MTF1: variants seen among roughly 807,000 people sequenced by gnomAD.
MTF1 encodes the protein MRE-binding transcription factor.
MTF1 carries 22 observed loss-of-function variants against 70.4 expected under a neutral mutation model. The ratio of observed to expected loss-of-function variants is 0.31; its 90% CI spans 0.22 to 0.45. The LOEUF is 0.45. MTF1 is among the 20% of genes least tolerant of loss of function. The probability of loss-of-function intolerance (pLI) is 1.00; values close to 1 mark genes in which losing one functional copy is unlikely to be tolerated. For synonymous variants in MTF1, 333 were observed against 352.8 expected, an observed-to-expected ratio of 0.94 and a Z score of 0.63; for missense variants, 649 against 922.0, an observed-to-expected ratio of 0.70 and a Z score of 3.83.
rs1450658334 is a variant in MTF1, at chr1:37,857,466, C to T, written c.193G>A (p.Gly65Arg). The T allele has an allele frequency of 3.7e-6, 6 of 1,614,010 alleles. No homozygotes were observed. Among genetic ancestry groups the T allele is most frequent in the East Asian group, 2.2e-5 (1 of 44,896 alleles). The change falls in exon 2 of 11, where the codon GGA becomes AGA. Residue 65 changes from glycine to arginine, a missense_variant. By Grantham distance (125) the Gly-to-Arg change is moderately radical. Coordinates refer to ENST00000373036, the MANE Select transcript of MTF1 (RefSeq NM_005955.3). ...AAAGGCAAGTGTTCTCCGCACTGTC[C>T]GTCGTCATCTTCATCCTCCAAAGTG... ...PGTLEDEDDD[G>R]QCGEHLPFLV... is the part of the protein sequence containing the mutation.
chr1:37,817,465 A>G lies in MTF1; in HGVS notation c.1785T>C (p.Val595=). ...CTGCAGTGGTAAAAAACACCTTCTC[A>G]ACTTTAGATGCTTGCTGCTGAAAAA... ...NQEQIQQASK[V]EKVFFTTAVP... The change falls in exon 10 of 11, where the codon GTT becomes GTC. Residue 595 remains valine (V), a synonymous_variant. Transcript: ENST00000373036. The G allele has an allele frequency of 6.2e-7, 1 of 1,611,980 alleles. No individual in the cohort carries two copies. Among genetic ancestry groups the G allele is most frequent in the Non-Finnish European group, 8.5e-7 (1 of 1,178,040 alleles).
In MTF1 at chr1:37,813,542, A is replaced by G. The variant is rs1466036576; in HGVS notation, c.*1594T>C. ...GAGTGACCAATGCAGATCCCTTTAC[A>G]TTAGGGAATGAAAATGCAAGGCAAA... is the stretch of plus-strand genomic sequence containing the variant. On this transcript the variant is annotated 3_prime_UTR_variant, in exon 11 of 11. Transcript: ENST00000373036. 7 of 152,230 alleles carry G rather than the reference A, an allele frequency of 4.6e-5. No individual in the cohort carries two copies. The highest frequency in any genetic ancestry group is 1.7e-4 in the African/African-American group (7 of 41,452). 9.4% of individuals were successfully genotyped at this position (152,230 alleles called of 1,614,324 possible).
In MTF1 at chr1:37,815,434, G is replaced by A; in HGVS notation, c.1964C>T (p.Ser655Phe). The A allele has an allele frequency of 6.2e-7, 1 of 1,612,406 alleles. No individual in the cohort carries two copies. The highest frequency in any genetic ancestry group is 8.5e-7 in the Non-Finnish European group (1 of 1,179,004). The change falls in exon 11 of 11, where the codon TCC (serine) becomes TTC (phenylalanine). Residue 655 changes from serine to phenylalanine, a missense_variant. Physicochemically the swap from Ser to Phe is radical, Grantham distance 155. This residue lies in a region of MTF1 where 138 missense variants were observed against 134.4 expected (regional missense o/e 1.03). Transcript: ENST00000373036. This position sits in a 1 kb window ranked among gnomAD's most constrained non-coding sequence, Gnocchi z 4.5. ...RASSRRKGCSSPPPPEPSPQA... is the reference protein window; with the variant it reads ...RASSRRKGCSFPPPPEPSPQA... ...GGGGCTCGGCTCTGGAGGGGGTGGG[G>A]AGGAGCAGCCCTTTCTCCTGCTGGA... is the stretch of plus-strand genomic sequence containing the variant.
intron 4 of MTF1, among the ~76,000 whole-genome samples, chr1:37,837,477 C>T (rs1641187344): frequency 6.6e-6 from 1 of 152,092 alleles, no homozygotes; most frequent in Non-Finnish European, 1.5e-5. Flanking sequence ...TATCCCCTGC[C>T]AAAATTCAAA....
intron 3 of MTF1, among the ~76,000 whole-genome samples, chr1:37,839,240 C>T (rs3790626): frequency 0.59 from 90,144 of 151,926 alleles, 28,602 homozygotes; most frequent in Non-Finnish European, 0.71. Flanking sequence ...GAGAATAGCA[C>T]AGTGGTATGA....
chr1:37,849,858 T>C (rs903711513), intron 2 of MTF1, among the ~76,000 whole-genome samples: 2 of 151,970 alleles, frequency 1.3e-5, no homozygotes, highest in African/African-American at 2.4e-5. Flanking sequence ...TGGGCAAACA[T>C]AGCAAGACCC....
intron 9 of MTF1, among the ~76,000 whole-genome samples, chr1:37,818,992 CA>C (rs1460189205): frequency 3.5e-4 from 45 of 127,768 alleles, no homozygotes; most frequent in South Asian, 2.4e-3. Context: ...GACTCCGTGT[CA>C]AAACAAAAAA....
At position 37,857,420 on chromosome 1, in the gene MTF1, C is replaced by A. The variant is rs772564268; in HGVS notation, c.239G>T (p.Gly80Val). ...HLPFLVGGEEGFHLIDHEAMS... is the reference protein window; with the variant it reads ...HLPFLVGGEEVFHLIDHEAMS... The stretch of plus-strand genomic sequence containing the variant: ...TGCTTCATGATCTATCAGGTGAAAG[C>A]CCTCTTCACCCCCTACTAGAAAAGG... The change falls in exon 2 of 11, where the codon GGC becomes GTC. Residue 80 changes from glycine (G) to valine (V), a missense_variant. Physicochemically the swap from Gly to Val is moderately radical, Grantham distance 109 (BLOSUM62 -3). This residue lies in a region of MTF1 where 44 missense variants were observed against 38.1 expected (regional missense o/e 1.15). Coordinates refer to ENST00000373036, the MANE Select transcript of MTF1 (RefSeq NM_005955.3). 1.2e-6 allele frequency: 2 copies of A among 1,614,118 alleles called. No individual in the cohort carries two copies. Among genetic ancestry groups the A allele is most frequent in the Non-Finnish European group, 1.7e-6 (2 of 1,180,002 alleles).
At chr1:37,852,993 C>T (rs528812015) in intron 2 of MTF1, among the ~76,000 whole-genome samples, 35 of 152,316 alleles carry the variant, frequency 2.3e-4, no homozygotes, top group African/African-American at 5.3e-4. Flanking sequence ...ATAACACGTA[C>T]GAAGTTCTCT....
intron 2 of MTF1, among the ~76,000 whole-genome samples, chr1:37,845,601 T>C (rs2148418014): frequency 6.6e-6 from 1 of 152,312 alleles, no homozygotes; most frequent in South Asian, 2.1e-4. Context: ...CTCAACCTCC[T>C]GGGCTCAAGC....
intron 9 of MTF1, 34 bp from the exon 10 acceptor site, chr1:37,817,516 A>T: frequency 6.8e-7 from 1 of 1,468,234 alleles, no homozygotes; most frequent in Non-Finnish European, 9.5e-7. Context: ...ATTTATAGCC[A>T]CTGTAATATG....
chr1:37,854,148 C>T (rs754001651), intron 2 of MTF1, among the ~76,000 whole-genome samples: 14 of 152,198 alleles, frequency 9.2e-5, no homozygotes, highest in Admixed American at 6.5e-4. Context: ...GCTGGGATTA[C>T]AGGCGTCTGC....
At chr1:37,821,983 G>A (rs1640917078) in intron 9 of MTF1, 138 bp downstream of exon 9, 2 of 703,902 alleles carry the variant, frequency 2.8e-6, no homozygotes, top group South Asian at 2.1e-5. Flanking sequence ...TGATTATGTG[G>A]AAAATGACTA....
intron 9 of MTF1, among the ~76,000 whole-genome samples, chr1:37,821,263 A>G (rs1366942159): frequency 6.6e-6 from 1 of 152,076 alleles, no homozygotes; most frequent in African/African-American, 2.4e-5. Flanking sequence ...AGTCCAAAAA[A>G]AAGTAATCTA....
intron 7 of MTF1, chr1:37,828,335 G>A (rs1031764665): frequency 3.5e-5 from 13 of 367,240 alleles, no homozygotes; most frequent in Middle Eastern, 8.2e-4. Flanking sequence ...ACAGAGTTTC[G>A]CTCTTGTCAC....
chr1:37,818,740 A>G (rs753925985), intron 9 of MTF1, among the ~76,000 whole-genome samples: 3 of 150,782 alleles, frequency 2.0e-5, no homozygotes, highest in Non-Finnish European at 4.4e-5. Flanking sequence ...CACGCCTGTA[A>G]TCCCAGCACT....
At chr1:37,828,367 C>T (rs1383903665) in intron 7 of MTF1, among the ~76,000 whole-genome samples, 1 of 152,098 alleles carries the variant, frequency 6.6e-6, no homozygotes, top group Non-Finnish European at 1.5e-5. Context: ...TGCAATGGCA[C>T]GATTTCAGCT....
At position 37,837,503 on chromosome 1, in the gene MTF1, T is replaced by A. The variant is rs369574820; in HGVS notation, c.779+1122A>T. ...AAAATTCAAATACATTGTTTATTTT[T>A]TTTTTATTTTTATTTTTTTTGAGAC... On this transcript the variant is annotated intron_variant, in intron 4 of 10. Coordinates refer to ENST00000373036, the MANE Select transcript of MTF1 (RefSeq NM_005955.3). 1.7e-3 allele frequency among the ~76,000 whole-genome samples: 266 copies of A among 152,262 alleles called. 6 individuals are homozygous for A. The South Asian group carries it at 0.051, about 29-fold the overall frequency.
intron 2 of MTF1, among the ~76,000 whole-genome samples, chr1:37,847,880 G>A (rs1376175844): frequency 4.6e-5 from 7 of 152,092 alleles, no homozygotes; most frequent in East Asian, 3.8e-4. Context: ...TGGGAGGATC[G>A]CTTGAGCTGG....
Sources: gnomAD v4.1 joint callset for allele counts (sites outside exome capture counted in the v4.1 genomes callset) on GRCh38, gnomAD v4.1.1 for gene constraint, gnomAD v4.1.1 regional missense constraint, Gnocchi (gnomAD v3.1) non-coding constraint, MANE v1.5 for transcripts, NCBI Gene and HGNC (gene_info 2026-07-23, HGNC 2026-07-21) for gene names.